Variants in DNAH9 observed in about 807,000 individuals in gnomAD.
DNAH9 encodes the protein dynein axonemal heavy chain 9.
A neutral mutation model predicts 471.6 loss-of-function variants in DNAH9; 345 were observed. The ratio of observed to expected loss-of-function variants is 0.73; its 90% confidence interval spans 0.67 to 0.80. The LOEUF (loss-of-function observed/expected upper bound fraction) is 0.80, where lower values mean the gene tolerates loss of function less well. Among genes scored for constraint, DNAH9 ranks in the 30% least tolerant of loss-of-function variants. The probability of loss-of-function intolerance (pLI) is 0.00; values close to 1 mark genes in which losing one functional copy is unlikely to be tolerated. For missense variants in DNAH9, 5,407 were observed against 5,609.2 expected, an observed-to-expected ratio of 0.96 and a Z score of 1.15; for synonymous variants, 2,093 against 2,123.6, an observed-to-expected ratio of 0.99 and a Z score of 0.40.
chr17:11,694,625 G>T (rs1249401191), intron 22 of DNAH9, among the ~76,000 whole-genome samples, 178 bp downstream of exon 22: 95 of 4,582 alleles, frequency 0.021, 11 homozygotes, highest in Admixed American at 0.038. Flanking sequence ...TTGCTTTCTT[G>T]CTTTCTTGCT....
chr17:11,870,625 A>G (rs1475891382), intron 51 of DNAH9, among the ~76,000 whole-genome samples: 3 of 152,198 alleles, frequency 2.0e-5, no homozygotes, highest in Non-Finnish European at 4.4e-5. Context: ...CAGTTTAGAG[A>G]TAGCAACTCT....
At chr17:11,821,796 A>G (rs2150940393) in intron 45 of DNAH9, 124 bp from the exon 46 acceptor site, 1 of 1,046,986 alleles carries the variant, frequency 9.6e-7, no homozygotes, top group East Asian at 2.4e-5. Flanking sequence ...CTTCACCAGC[A>G]AGAGAGTTGG....
chr17:11,859,222 G>C (rs971482137), intron 50 of DNAH9, among the ~76,000 whole-genome samples: 2 of 151,750 alleles, frequency 1.3e-5, no homozygotes, highest in African/African-American at 4.8e-5. Context: ...AGACCACCTC[G>C]GCCCACATGG....
rs141261583 is a variant in DNAH9 at position 11,742,252 on chromosome 17, A to C, written c.6050A>C (p.Gln2017Pro). 7.4e-6 allele frequency: 12 copies of C among 1,614,146 alleles called. No homozygotes were observed. Among genetic ancestry groups the C allele is most frequent in the Non-Finnish European group, 1.0e-5 (12 of 1,179,986 alleles). ...MLVAEGFIEA[Q>P]SLARKFITLY... ...GTGGCAGAAGGATTCATTGAAGCCCAGTCATTAGCCAGAAAGTTCATCACT... is the reference window on the plus strand; with the variant it reads ...GTGGCAGAAGGATTCATTGAAGCCCCGTCATTAGCCAGAAAGTTCATCACT... The change falls in exon 30 of 69, where the codon CAG becomes CCG. Residue 2017 changes from glutamine to proline, a missense_variant. By Grantham distance (76) the Gln-to-Pro change is moderately conservative. Transcript: ENST00000262442.
intron 1 of DNAH9, among the ~76,000 whole-genome samples, chr17:11,605,697 G>T (rs981074585): frequency 7.2e-6 from 1 of 138,670 alleles, no homozygotes; most frequent in African/African-American, 2.9e-5. Context: ...TACAGATGAG[G>T]TCTTGCTATG....
At position 11,598,912 on chromosome 17, in the gene DNAH9, G is replaced by A. The variant is rs1324842038; in HGVS notation, c.414G>A (p.Ser138=). ...TGGAGCACCTAGCCGCGCTGTTCTC[G>A]GAGGTGAGGGTGGGTTAGTGTCCCC... ...APLEHLAALF[S]EVVLPVLANE... The change falls in exon 1 of 69, where the codon TCG becomes TCA. Residue 138 remains serine, a synonymous_variant. Coordinates refer to ENST00000262442, the MANE Select transcript of DNAH9 (RefSeq NM_001372.4). 1 of 1,528,200 alleles carries A rather than the reference G, an allele frequency of 6.5e-7. No homozygotes were observed. 94.7% of individuals were successfully genotyped at this position (1,528,200 alleles called of 1,614,324 possible).
chr17:11,822,404 C>T (rs372760761), intron 46 of DNAH9, 34 bp from the exon 47 acceptor site: 8 of 1,612,516 alleles, frequency 5.0e-6, no homozygotes, highest in Non-Finnish European at 6.8e-6. Context: ...TCTCTGATGC[C>T]TTCCTGGTTC....
chr17:11,679,453 C>T (rs963220896), intron 17 of DNAH9, among the ~76,000 whole-genome samples: 2 of 152,226 alleles, frequency 1.3e-5, no homozygotes, highest in African/African-American at 4.8e-5. Context: ...GCTCAGAGAA[C>T]CTCTGAAATG....
intron 56 of DNAH9, among the ~76,000 whole-genome samples, chr17:11,885,756 T>G (rs1972859997): frequency 6.6e-6 from 1 of 152,218 alleles, no homozygotes; most frequent in Non-Finnish European, 1.5e-5. Flanking sequence ...CTAATCCTTC[T>G]GGGTGTTTTT....
At chr17:11,904,445 A>G (rs1973517104) in intron 60 of DNAH9, among the ~76,000 whole-genome samples, 1 of 152,052 alleles carries the variant, frequency 6.6e-6, no homozygotes, top group South Asian at 2.1e-4. Context: ...CCTGGCCAAC[A>G]TGGTGAAACC....
chr17:11,695,781 C>G (rs1054051036), intron 22 of DNAH9, among the ~76,000 whole-genome samples: 3 of 152,142 alleles, frequency 2.0e-5, no homozygotes, highest in African/African-American at 7.2e-5. Context: ...TAAGAATTTT[C>G]CCAATATGCT....
At chr17:11,876,933 G>A (rs2012282983) in intron 53 of DNAH9, among the ~76,000 whole-genome samples, 2 of 151,514 alleles carry the variant, frequency 1.3e-5, no homozygotes, top group African/African-American at 2.4e-5. Context: ...TCACTATGTT[G>A]GCCAGGCTGG....
intron 26 of DNAH9, among the ~76,000 whole-genome samples, chr17:11,718,659 T>C (rs2150800552): frequency 6.6e-6 from 1 of 152,320 alleles, no homozygotes; most frequent in Non-Finnish European, 1.5e-5. Flanking sequence ...GTTTTATAAA[T>C]AGTTTTTGAG....
At chr17:11,635,645 G>A (rs970328260) in intron 8 of DNAH9, among the ~76,000 whole-genome samples, 1 of 152,102 alleles carries the variant, frequency 6.6e-6, no homozygotes, top group Admixed American at 6.6e-5. Context: ...CAGTGTATTG[G>A]TATATCCTAA....
chr17:11,754,004 T>C (rs990084998), intron 33 of DNAH9, among the ~76,000 whole-genome samples: 7 of 152,178 alleles, frequency 4.6e-5, no homozygotes, highest in Admixed American at 2.6e-4. Context: ...TCCTGTCTGT[T>C]GTTCCCTTCT....
intron 48 of DNAH9, among the ~76,000 whole-genome samples, chr17:11,823,667 C>T (rs1316213145): frequency 1.3e-5 from 2 of 152,174 alleles, no homozygotes; most frequent in Non-Finnish European, 2.9e-5. Context: ...CACGGTGGCT[C>T]ACGCCTGTAA....
intron 9 of DNAH9, among the ~76,000 whole-genome samples, chr17:11,638,493 TC>T (rs1353423832): frequency 1.3e-5 from 2 of 152,132 alleles, no homozygotes; most frequent in Non-Finnish European, 1.5e-5. Context: ...CAAGTGATTC[TC>T]CTGCCTCAGC....
intron 10 of DNAH9, among the ~76,000 whole-genome samples, chr17:11,643,394 G>A (rs974981634): frequency 6.6e-5 from 10 of 152,114 alleles, no homozygotes; most frequent in African/African-American, 2.4e-4. Context: ...CGGATCGCGT[G>A]TTCTAGATGG....
chr17:11,840,048 C>T (rs567408595), intron 49 of DNAH9, among the ~76,000 whole-genome samples: 1 of 152,326 alleles, frequency 6.6e-6, no homozygotes, highest in Non-Finnish European at 1.5e-5. Context: ...TATGACCCAG[C>T]AATCCCTCTT....
Sources: gnomAD v4.1 joint callset for allele counts (sites outside exome capture counted in the v4.1 genomes callset) on GRCh38, gnomAD v4.1.1 for gene constraint, MANE v1.5 for transcripts, NCBI Gene and HGNC (gene_info 2026-07-23, HGNC 2026-07-21) for gene names.